ZFYVE9: variants seen among roughly 807,000 people sequenced by gnomAD.
ZFYVE9 encodes the protein zinc finger FYVE-type containing 9.
A neutral mutation model predicts 126.7 loss-of-function variants in ZFYVE9; 43 were observed. That is an observed-to-expected ratio of 0.34 (90% CI 0.27 to 0.44). ZFYVE9 has a LOEUF of 0.44. ZFYVE9 is among the 20% of genes least tolerant of loss of function. The pLI is 1.00. For synonymous variants in ZFYVE9, 521 were observed against 597.4 expected, an observed-to-expected ratio of 0.87 and a Z score of 1.87; for missense variants, 1,476 against 1,697.0, an observed-to-expected ratio of 0.87 and a Z score of 2.29.
At chr1:52,263,587 G>A (rs1187325370) in intron 4 of ZFYVE9, among the ~76,000 whole-genome samples, 186 bp from the exon 5 acceptor site, 1 of 151,996 alleles carries the variant, frequency 6.6e-6, no homozygotes, top group African/African-American at 2.4e-5. Context: ...CTTTATTGTT[G>A]ACAGACTTGT....
chr1:52,219,016 A>G (rs1645098326), intron 2 of ZFYVE9, among the ~76,000 whole-genome samples: 2 of 152,090 alleles, frequency 1.3e-5, no homozygotes, highest in South Asian at 2.1e-4. Flanking sequence ...AAGTGGAGGT[A>G]GGGTTTTAGG....
chr1:52,262,029 G>A (rs899348220), intron 4 of ZFYVE9, among the ~76,000 whole-genome samples: 2 of 152,028 alleles, frequency 1.3e-5, no homozygotes, highest in African/African-American at 4.8e-5. Flanking sequence ...TAGTCCATTC[G>A]GGCTGCTATA....
chr1:52,276,302 G>A (rs1645748175), intron 8 of ZFYVE9, among the ~76,000 whole-genome samples: 1 of 152,066 alleles, frequency 6.6e-6, no homozygotes, highest in African/African-American at 2.4e-5. Context: ...CATGTATACT[G>A]CAGATTATTT....
At chr1:52,214,007 C>T (rs750275040) in intron 1 of ZFYVE9, among the ~76,000 whole-genome samples, 1 of 152,162 alleles carries the variant, frequency 6.6e-6, no homozygotes, top group African/African-American at 2.4e-5. Flanking sequence ...CTTTCCCCTT[C>T]ATCCTGCAGG....
At chr1:52,340,462 C>A (rs1056342165) in intron 17 of ZFYVE9, among the ~76,000 whole-genome samples, 3 of 152,230 alleles carry the variant, frequency 2.0e-5, no homozygotes, top group African/African-American at 7.2e-5. Flanking sequence ...TTAGATATTT[C>A]TTTGCATTGG....
intron 13 of ZFYVE9, among the ~76,000 whole-genome samples, chr1:52,320,028 AAAAG>A (rs1221045955): frequency 3.3e-5 from 5 of 149,628 alleles, no homozygotes; most frequent in East Asian, 4.0e-4. Context: ...AAAAAAAAAA[AAAAG>A]AGAAAAAGAA....
chr1:52,344,466 CAA>C (rs932705526), intron 17 of ZFYVE9, among the ~76,000 whole-genome samples: 2 of 152,324 alleles, frequency 1.3e-5, no homozygotes, highest in African/African-American at 4.8e-5. Context: ...GCATACAATG[CAA>C]AATGGAGGCC....
At chr1:52,272,163 T>G (rs1017179275) in intron 7 of ZFYVE9, among the ~76,000 whole-genome samples, 9 of 152,230 alleles carry the variant, frequency 5.9e-5, no homozygotes, top group Non-Finnish European at 8.8e-5. Flanking sequence ...AGTTTTAATG[T>G]TTGTTCAGGT....
chr1:52,320,157 G>A (rs978233430), intron 13 of ZFYVE9, among the ~76,000 whole-genome samples: 3 of 151,382 alleles, frequency 2.0e-5, no homozygotes, highest in Non-Finnish European at 4.4e-5. Context: ...TGCAACCTCC[G>A]CATCCTGGGT....
chr1:52,311,922 C>T (rs1241675187), intron 13 of ZFYVE9, among the ~76,000 whole-genome samples: 2 of 151,982 alleles, frequency 1.3e-5, no homozygotes, highest in Non-Finnish European at 1.5e-5. Flanking sequence ...TCCTGAGTAG[C>T]TGAAATTACA....
chr1:52,316,165 C>CAAAAAAAA (rs367815611), intron 13 of ZFYVE9, among the ~76,000 whole-genome samples: 91 of 39,144 alleles, frequency 2.3e-3, no homozygotes, highest in East Asian at 3.9e-3. Context: ...AACTCCATCT[C>CAAAAAAAA]AAAAAAAAAA....
chr1:52,304,038 A>G, intron 13 of ZFYVE9, 113 bp downstream of exon 13: 1 of 600,736 alleles, frequency 1.7e-6, no homozygotes, highest in Non-Finnish European at 2.6e-6. Context: ...AAATCAGTTA[A>G]TAATATTGTA....
At chr1:52,264,760 T>A (rs977374623) in intron 5 of ZFYVE9, among the ~76,000 whole-genome samples, 1 of 152,150 alleles carries the variant, frequency 6.6e-6, no homozygotes, top group Non-Finnish European at 1.5e-5. Context: ...ATAGTGATGT[T>A]TTCTTGTTGC....
chr1:52,205,772 C>T (rs1244075686), intron 1 of ZFYVE9, among the ~76,000 whole-genome samples: 1 of 152,110 alleles, frequency 6.6e-6, no homozygotes, highest in African/African-American at 2.4e-5. Context: ...TTAAATGCTG[C>T]ACTAGAAACT....
At chr1:52,246,227 G>A (rs1488169583) in intron 4 of ZFYVE9, among the ~76,000 whole-genome samples, 1 of 152,122 alleles carries the variant, frequency 6.6e-6, no homozygotes, top group African/African-American at 2.4e-5. Flanking sequence ...ACCATGCCTG[G>A]CCTTTATGCC....
Position 52,142,668 on chromosome 1 carries a change from A to G in ZFYVE9, c.-143+265A>G, listed in dbSNP as rs888769762. On this transcript the variant is annotated intron_variant, in intron 1 of 18. Coordinates refer to ENST00000287727, the MANE Select transcript of ZFYVE9 (RefSeq NM_004799.4). The surrounding 1 kb of genome is among the most constrained non-coding windows in gnomAD (Gnocchi z 4.5). ...CGGGTGTGTGGAGCTGGGGGCCGGC[A>G]GGAGCACGGCCGCCTTTCGGGTTTG... Among the ~76,000 whole-genome samples the G allele has an allele frequency of 2.0e-5, 3 of 151,746 alleles. No homozygotes were observed. The highest frequency in any genetic ancestry group is 7.3e-5 in the African/African-American group (3 of 41,338).
chr1:52,275,285 G>T (rs1426029813), intron 8 of ZFYVE9, among the ~76,000 whole-genome samples: 1 of 152,070 alleles, frequency 6.6e-6, no homozygotes, highest in Non-Finnish European at 1.5e-5. Context: ...TATCCAGTCA[G>T]CCACTGATGG....
At chr1:52,192,063 C>A in intron 1 of ZFYVE9, among the ~76,000 whole-genome samples, 1 of 148,204 alleles carries the variant, frequency 6.7e-6, no homozygotes, top group South Asian at 2.2e-4. Context: ...GCACCTGAAA[C>A]ACAGTGAATT....
At chr1:52,274,646 A>G in intron 8 of ZFYVE9, 62 bp downstream of exon 8, 1 of 1,473,634 alleles carries the variant, frequency 6.8e-7, no homozygotes, top group Non-Finnish European at 9.1e-7. Context: ...CTTCTAATTA[A>G]GGTAGAGAGA....
Sources: allele counts gnomAD v4.1 joint callset (sites outside exome capture counted in the v4.1 genomes callset), GRCh38; gene constraint gnomAD v4.1.1; non-coding constraint Gnocchi (gnomAD v3.1); transcripts MANE v1.5; gene names NCBI Gene and HGNC (gene_info 2026-07-23, HGNC 2026-07-21).